The following AKAP12 variants were observed in gnomAD, a reference collection of about 807,000 sequenced individuals.
The protein encoded by AKAP12 is A-kinase anchoring protein 12.
A neutral mutation model predicts 79.9 loss-of-function variants in AKAP12; 32 were observed. The observed-to-expected ratio is 0.40, with a 90% confidence interval of 0.30 to 0.54. AKAP12 has a LOEUF of 0.54. AKAP12 is among the 20% of genes least tolerant of loss of function. The probability of loss-of-function intolerance (pLI) is 0.48; values close to 1 mark genes in which losing one functional copy is unlikely to be tolerated. For synonymous variants in AKAP12, 808 were observed against 857.0 expected, an observed-to-expected ratio of 0.94 and a Z score of 1.00; for missense variants, 2,074 against 2,177.0, an observed-to-expected ratio of 0.95 and a Z score of 0.94.
chr6:151,305,619 A>G, intron 2 of AKAP12, 128 bp from the exon 3 acceptor site: 1 of 932,138 alleles, frequency 1.1e-6, no homozygotes, highest in Non-Finnish European at 1.6e-6. Context: ...TTAACTCTTC[A>G]TTGTTTTTGA....
rs373072472 is a variant in AKAP12 at position 151,304,437 on chromosome 6, C to T, written c.163-1310C>T. Among the ~76,000 whole-genome samples, 31 of 124,186 alleles carry T rather than the reference C, an allele frequency of 2.5e-4. 1 individual carries two copies. The highest frequency in any genetic ancestry group is 2.7e-4 in the South Asian group (1 of 3,764). The allele number at this position is 124,186 out of a possible 152,430, so 81.5% of individuals were successfully genotyped here. Reference sequence around the variant, plus strand: ...CTGGGAACTGGAGGTTGCAGTGAACCGAGATCACGCCACTGCACTTCAGCC... The same window carrying T: ...CTGGGAACTGGAGGTTGCAGTGAACTGAGATCACGCCACTGCACTTCAGCC... On this transcript the variant is annotated intron_variant, in intron 2 of 4. Transcript: ENST00000402676.
chr6:151,353,263 A>G lies in AKAP12; in HGVS notation c.4872A>G (p.Gly1624=), dbSNP rs754582250. 1.9e-6 allele frequency: 3 copies of G among 1,614,194 alleles called. No individual in the cohort carries two copies. In the Admixed American group the frequency reaches 5.0e-5, roughly 27 times the overall value. The change falls in exon 4 of 5, where the codon GGA becomes GGG. Residue 1624 remains glycine, a synonymous_variant. Coordinates refer to ENST00000402676, the MANE Select transcript of AKAP12 (RefSeq NM_005100.4). ...AKEESESTAV[G]QAHSDISKDM... is the part of the protein sequence containing the mutation. ...AGGAGTCAGAGTCAACCGCAGTGGGACAAGCACATTCTGATATTTCCAAAG... is the reference window on the plus strand; with the variant it reads ...AGGAGTCAGAGTCAACCGCAGTGGGGCAAGCACATTCTGATATTTCCAAAG...
At chr6:151,282,500 C>T (rs887301255) in intron 2 of AKAP12, among the ~76,000 whole-genome samples, 1 of 152,130 alleles carries the variant, frequency 6.6e-6, no homozygotes, top group Non-Finnish European at 1.5e-5. Flanking sequence ...TGCTGTAGCC[C>T]TTTGGTCTAG....
intron 3 of AKAP12, chr6:151,325,912 T>C (rs1422140004): frequency 6.2e-7 from 1 of 1,614,150 alleles, no homozygotes; most frequent in Non-Finnish European, 8.5e-7. Context: ...GTCGCTTTTG[T>C]CCTCCCTGGA....
At position 151,357,701 on chromosome 6, in the gene AKAP12, T is replaced by C. The variant is rs1778476931; in HGVS notation, c.*1987T>C. The C allele has an allele frequency of 7.0e-6, 1 of 141,946 alleles. No individual in the cohort carries two copies. Among genetic ancestry groups the C allele is most frequent in the Non-Finnish European group, 1.5e-5 (1 of 66,372 alleles). The allele number at this position is 141,946 out of a possible 1,614,324, so 8.8% of individuals were successfully genotyped here. A position where few individuals can be genotyped will look rare whatever the true frequency, so the allele number is the denominator to read the frequency against. On this transcript the variant is annotated 3_prime_UTR_variant, in exon 5 of 5. Transcript: ENST00000402676. ...CCAAATTCAAAAAACCTCTGATATA[T>C]ATATATAATTTTTTTTTTTTTTTTT...
At chr6:151,321,522 T>G (rs1777386873) in intron 3 of AKAP12, among the ~76,000 whole-genome samples, 1 of 152,222 alleles carries the variant, frequency 6.6e-6, no homozygotes, top group African/African-American at 2.4e-5. Flanking sequence ...ACTTTATTTC[T>G]TATTACTTTT....
intron 3 of AKAP12, among the ~76,000 whole-genome samples, chr6:151,309,793 G>A (rs138328907): frequency 9.2e-5 from 14 of 152,102 alleles, no homozygotes; most frequent in Non-Finnish European, 1.3e-4. Flanking sequence ...TAGCCTTGGC[G>A]AGCAGTCCCT....
intron 3 of AKAP12, among the ~76,000 whole-genome samples, chr6:151,333,917 G>C (rs1777745626): frequency 6.6e-6 from 1 of 151,912 alleles, no homozygotes; most frequent in South Asian, 2.1e-4. Flanking sequence ...GAGGTGAGGA[G>C]GGGGAGGTCA....
At chr6:151,266,040 A>G (rs1170958135) in intron 2 of AKAP12, among the ~76,000 whole-genome samples, 1 of 152,240 alleles carries the variant, frequency 6.6e-6, no homozygotes, top group African/African-American at 2.4e-5. Context: ...AAATTGAGTC[A>G]TTCAGCAGCT....
At chr6:151,281,319 T>C (rs1378284728) in intron 2 of AKAP12, among the ~76,000 whole-genome samples, 1 of 152,364 alleles carries the variant, frequency 6.6e-6, no homozygotes, top group Non-Finnish European at 1.5e-5. Context: ...GTCAGTGATA[T>C]TGGTAGTGTT....
At chr6:151,320,910 C>T (rs1281819811) in intron 3 of AKAP12, among the ~76,000 whole-genome samples, 1 of 152,128 alleles carries the variant, frequency 6.6e-6, no homozygotes, top group Non-Finnish European at 1.5e-5. Context: ...TTAAAGTACA[C>T]AGTTCAGTGG....
chr6:151,248,935 C>T (rs530274242), intron 2 of AKAP12, among the ~76,000 whole-genome samples: 41 of 151,778 alleles, frequency 2.7e-4, no homozygotes, highest in African/African-American at 8.2e-4. Flanking sequence ...TGCAGTGAGC[C>T]GAGACCGCAT....
intron 1 of AKAP12, 81 bp from the exon 2 acceptor site, chr6:151,240,303 G>A: frequency 2.8e-6 from 1 of 357,166 alleles, no homozygotes; most frequent in Non-Finnish European, 5.0e-6. Context: ...CTGTGCTCAT[G>A]TGATGAAGCG....
intron 2 of AKAP12, among the ~76,000 whole-genome samples, chr6:151,290,804 T>A (rs1776603085): frequency 1.3e-5 from 2 of 152,120 alleles, no homozygotes; most frequent in African/African-American, 4.8e-5. Flanking sequence ...GAGACGGGGT[T>A]TCTCCATGTT....
At position 151,320,992 on chromosome 6, in the gene AKAP12, CT is replaced by C. The variant is rs549558966; in HGVS notation, c.319+15101del. 2.9e-3 allele frequency among the ~76,000 whole-genome samples: 422 copies of C among 145,474 alleles called. 1 individual carries two copies. The highest frequency in any genetic ancestry group is 5.7e-3 in the African/African-American group (228 of 40,012). On this transcript the variant is annotated intron_variant, in intron 3 of 4. Coordinates refer to ENST00000402676, the MANE Select transcript of AKAP12 (RefSeq NM_005100.4). The stretch of plus-strand genomic sequence containing the variant: ...GTGGGACATTTTCTTTTCTTTCTTT[CT>C]TTTTTTTTTTTGAGAGGGAGTCTTG...
At chr6:151,280,035 G>A (rs1315443288) in intron 2 of AKAP12, among the ~76,000 whole-genome samples, 1 of 118,364 alleles carries the variant, frequency 8.4e-6, no homozygotes, top group East Asian at 2.1e-4. Context: ...CCTTTCGGTT[G>A]TTGTTTTTTT....
intron 2 of AKAP12, among the ~76,000 whole-genome samples, chr6:151,278,878 A>G (rs940731592): frequency 2.0e-5 from 3 of 151,954 alleles, no homozygotes; most frequent in African/African-American, 7.3e-5. Flanking sequence ...CGTGTTAGCC[A>G]GGATGGTCTC....
Position 151,351,585 on chromosome 6 carries a change from T to C in AKAP12, c.3194T>C (p.Val1065Ala), listed in dbSNP as rs1214828192. 1 of 1,614,092 alleles carries C rather than the reference T, an allele frequency of 6.2e-7. No homozygotes were observed. The highest frequency in any genetic ancestry group is 1.7e-5 in the Admixed American group (1 of 60,030). Reference protein sequence around the residue: ...QLPGTGGPEDVLQPVQRAEAE... With the variant: ...QLPGTGGPEDALQPVQRAEAE... The stretch of plus-strand genomic sequence containing the variant: ...CCTGGCACCGGTGGGCCAGAAGATG[T>C]GCTTCAGCCTGTGCAGAGAGCAGAG... Residue 1065 changes from valine to alanine, a missense_variant, in exon 4 of 5, where the codon GTG becomes GCG. Val to Ala is a moderately conservative substitution (Grantham distance 64). Around this residue, in one of 3 missense-constraint regions of AKAP12, gnomAD observed 1,428 missense variants for 1,451.0 expected, o/e 0.98. Coordinates refer to ENST00000402676, the MANE Select transcript of AKAP12 (RefSeq NM_005100.4). The surrounding 1 kb of genome is among the most constrained non-coding windows in gnomAD (Gnocchi z 4.4).
intron 2 of AKAP12, among the ~76,000 whole-genome samples, chr6:151,275,718 T>G (rs1290091166): frequency 6.6e-6 from 1 of 152,224 alleles, no homozygotes; most frequent in Admixed American, 6.5e-5. Flanking sequence ...TTGGGATTAT[T>G]TTCCTACCAT....
Sources: allele counts gnomAD v4.1 joint callset (sites outside exome capture counted in the v4.1 genomes callset), GRCh38; gene constraint gnomAD v4.1.1; regional missense constraint gnomAD v4.1.1; non-coding constraint Gnocchi (gnomAD v3.1); transcripts MANE v1.5; gene names NCBI Gene and HGNC (gene_info 2026-07-23, HGNC 2026-07-21).